The following MAP3K13 variants were observed in gnomAD, a reference collection of about 807,000 sequenced individuals.
MAP3K13 encodes leucine zipper-bearing kinase.
In MAP3K13, 52 loss-of-function variants were observed where a neutral mutation model predicts 104.0. The observed-to-expected ratio is 0.50, with a 90% CI of 0.40 to 0.63. MAP3K13 has a LOEUF of 0.63. Among genes scored for constraint, MAP3K13 ranks in the 20% least tolerant of loss-of-function variants. The probability of loss-of-function intolerance (pLI) is 0.00; values close to 1 mark genes in which losing one functional copy is unlikely to be tolerated. For missense variants in MAP3K13, 914 were observed against 1,218.5 expected, an observed-to-expected ratio of 0.75 and a Z score of 3.72; for synonymous variants, 394 against 442.2, an observed-to-expected ratio of 0.89 and a Z score of 1.37.
At chr3:185,352,246 A>T (rs1364810827) in intron 2 of MAP3K13, among the ~76,000 whole-genome samples, 1 of 152,172 alleles carries the variant, frequency 6.6e-6, no homozygotes, top group Non-Finnish European at 1.5e-5. Flanking sequence ...GGAGTTTGAG[A>T]CCAGCCTGAC....
chr3:185,420,601 T>A (rs1577536301), intron 1 of MAP3K13, among the ~76,000 whole-genome samples: 4 of 152,338 alleles, frequency 2.6e-5, no homozygotes, highest in Admixed American at 2.6e-4. Context: ...AGAAGATAGC[T>A]TAGAAAGAGC....
rs1378305488 is a variant in MAP3K13 at position 185,466,859 on chromosome 3, G to A, written c.1539G>A (p.Gly513=). 3 of 1,613,968 alleles carry A rather than the reference G, an allele frequency of 1.9e-6. No homozygotes were observed. Among genetic ancestry groups the A allele is most frequent in the African/African-American group, 2.7e-5 (2 of 75,040 alleles). ...REQAVEKKYP[G]TYKRHPVRPI... is the part of the protein sequence containing the mutation. ...AAGCAGTGGAAAAGAAGTATCCTGGGACCTACAAACGACACCCTGTTCGTC... is the reference window on the plus strand; with the variant it reads ...AAGCAGTGGAAAAGAAGTATCCTGGAACCTACAAACGACACCCTGTTCGTC... The change falls in exon 10 of 14, where the codon GGG becomes GGA. Residue 513 remains glycine (G), a synonymous_variant. Transcript: ENST00000265026.
intron 2 of MAP3K13, among the ~76,000 whole-genome samples, chr3:185,314,606 C>T (rs749986701): frequency 3.4e-4 from 52 of 151,700 alleles, no homozygotes; most frequent in Admixed American, 5.9e-4. Flanking sequence ...AGAGCAACTC[C>T]ACGTCTCAAA....
chr3:185,443,243 A>G (rs1004662132), intron 3 of MAP3K13, among the ~76,000 whole-genome samples: 6 of 152,226 alleles, frequency 3.9e-5, no homozygotes, highest in Admixed American at 2.0e-4. Flanking sequence ...TGAACAAAAC[A>G]AACAAAAATT....
Position 185,428,929 on chromosome 3 carries a change from A to G in MAP3K13, c.348A>G (p.Ile116Met), listed in dbSNP as rs755931976. 2 of 1,614,198 alleles carry G rather than the reference A, an allele frequency of 1.2e-6. No individual in the cohort carries two copies. Among genetic ancestry groups the G allele is most frequent in the Non-Finnish European group, 1.7e-6 (2 of 1,180,022 alleles). Residue 116 changes from isoleucine (I) to methionine (M), a missense_variant, in exon 2 of 14, where the codon ATA (isoleucine) becomes ATG (methionine). Ile to Met is a conservative substitution (Grantham distance 10). Around this residue, in one of 3 missense-constraint regions of MAP3K13, gnomAD observed 156 missense variants for 159.8 expected, o/e 0.98. Transcript: ENST00000265026. ...AGAGCACAAGCGGAACTGAAGACAT[A>G]AAGATTCAGTTCAGCAGGTCAGGCA... ...DGESTSGTED[I>M]KIQFSRSGSG...
At chr3:185,409,970 C>G (rs970531206) in intron 1 of MAP3K13, among the ~76,000 whole-genome samples, 1 of 152,102 alleles carries the variant, frequency 6.6e-6, no homozygotes, top group Non-Finnish European at 1.5e-5. Context: ...TGTCCCACCT[C>G]AGATCATCAG....
At chr3:185,422,864 C>T (rs1447019716) in intron 1 of MAP3K13, among the ~76,000 whole-genome samples, 4 of 152,156 alleles carry the variant, frequency 2.6e-5, no homozygotes, top group East Asian at 1.9e-4. Flanking sequence ...GGTGGGTGAG[C>T]GAGCAGAGCT....
At chr3:185,347,628 G>A (rs943831456) in intron 2 of MAP3K13, among the ~76,000 whole-genome samples, 1 of 152,120 alleles carries the variant, frequency 6.6e-6, no homozygotes, top group Admixed American at 6.5e-5. Context: ...TCTTTCATTC[G>A]ATTGAAAATG....
chr3:185,406,741 A>AT (rs554505536), intron 1 of MAP3K13, among the ~76,000 whole-genome samples: 1 of 152,128 alleles, frequency 6.6e-6, no homozygotes, highest in Non-Finnish European at 1.5e-5. Context: ...GGATTTTGTG[A>AT]TTTTTCCCAT....
intron 1 of MAP3K13, among the ~76,000 whole-genome samples, chr3:185,364,582 C>T (rs1723782896): frequency 6.6e-6 from 1 of 152,128 alleles, no homozygotes; most frequent in African/African-American, 2.4e-5. Flanking sequence ...GCTATAATAT[C>T]TTTTGAATTG....
intron 2 of MAP3K13, among the ~76,000 whole-genome samples, chr3:185,296,066 G>C (rs1720908836): frequency 6.6e-6 from 1 of 152,120 alleles, no homozygotes; most frequent in Non-Finnish European, 1.5e-5. Flanking sequence ...TGAGACTCCA[G>C]TCTCTACAAA....
chr3:185,305,918 C>T (rs1221175033), intron 2 of MAP3K13, among the ~76,000 whole-genome samples: 1 of 152,172 alleles, frequency 6.6e-6, no homozygotes, highest in Non-Finnish European at 1.5e-5. Flanking sequence ...CAACTCTTGT[C>T]TCCCTTCCTC....
chr3:185,367,479 C>T (rs1280185346), intron 1 of MAP3K13, among the ~76,000 whole-genome samples: 1 of 152,168 alleles, frequency 6.6e-6, no homozygotes, highest in African/African-American at 2.4e-5. Context: ...TAAGAAGATT[C>T]ATACCAGAAA....
At chr3:185,335,357 C>T (rs1381503566) in intron 2 of MAP3K13, among the ~76,000 whole-genome samples, 1 of 152,124 alleles carries the variant, frequency 6.6e-6, no homozygotes, top group East Asian at 1.9e-4. Flanking sequence ...ATCCCCTTCC[C>T]TTCAACAACT....
chr3:185,481,019 A>AG (rs1055413394), intron 13 of MAP3K13, among the ~76,000 whole-genome samples: 2 of 152,184 alleles, frequency 1.3e-5, no homozygotes, highest in South Asian at 4.1e-4. Context: ...AAACCATATC[A>AG]GGCCTCCAAG....
rs181351148 is a variant in MAP3K13 at position 185,389,459 on chromosome 3, A to G, written c.-86+26091A>G. On this transcript the variant is annotated intron_variant, in intron 1 of 13. Transcript: ENST00000265026. ...ATGCATCACAAATACTAAGCCCTGA[A>G]CAAATGATAGTTGCTAATATATATT... Among the ~76,000 whole-genome samples the G allele has an allele frequency of 1.3e-3, 198 of 152,282 alleles. 1 individual carries two copies. The highest frequency in any genetic ancestry group is 3.9e-3 in the Admixed American group (59 of 15,296).
At position 185,321,021 on chromosome 3, in the gene MAP3K13, A is replaced by G. The variant is rs115613333; in HGVS notation, c.-86+35378A>G. On this transcript the variant is annotated intron_variant, in intron 2 of 14. Transcript: ENST00000424227. ...TATATACATGCATGTATATATACAT[A>G]TGTGTGTATATATTATATGCGTGCA... Among the ~76,000 whole-genome samples, 549 of 119,472 alleles carry G rather than the reference A, an allele frequency of 4.6e-3. 5 individuals are homozygous for G. The highest frequency in any genetic ancestry group is 0.015 in the African/African-American group (530 of 34,332). 78.4% of individuals were successfully genotyped at this position (119,472 alleles called of 152,430 possible). A position where few individuals can be genotyped will look rare whatever the true frequency, so the allele number is the denominator to read the frequency against.
At chr3:185,287,778 G>T (rs144509433) in intron 2 of MAP3K13, among the ~76,000 whole-genome samples, 1 of 152,162 alleles carries the variant, frequency 6.6e-6, no homozygotes, top group East Asian at 1.9e-4. Context: ...GCTCATGCCT[G>T]TAATCCTAGC....
chr3:185,479,804 C>T (rs1483962827), intron 12 of MAP3K13, among the ~76,000 whole-genome samples: 1 of 152,180 alleles, frequency 6.6e-6, no homozygotes, highest in East Asian at 1.9e-4. Flanking sequence ...GGTGAGGGCT[C>T]TCTTCCTGGC....
Sources: gnomAD v4.1 joint callset for allele counts (sites outside exome capture counted in the v4.1 genomes callset) on GRCh38, gnomAD v4.1.1 for gene constraint, gnomAD v4.1.1 regional missense constraint, MANE v1.5 for transcripts, NCBI Gene and HGNC (gene_info 2026-07-23, HGNC 2026-07-21) for gene names.